Variants in SLC4A4 observed in about 807,000 individuals in gnomAD.
The protein encoded by SLC4A4 is electrogenic sodium bicarbonate cotransporter 1.
SLC4A4 carries 27 observed loss-of-function variants against 111.5 expected under a neutral mutation model. That is an observed-to-expected ratio of 0.24 (90% CI 0.18 to 0.33). SLC4A4 has a LOEUF of 0.33. Ranked by LOEUF, SLC4A4 falls within the 10% of genes least tolerant of loss-of-function variation. The probability of loss-of-function intolerance (pLI) is 1.00; values close to 1 mark genes in which losing one functional copy is unlikely to be tolerated. For missense variants in SLC4A4, 909 were observed against 1,315.5 expected (o/e 0.69, Z 4.78); for synonymous variants, 443 against 463.4 (o/e 0.96, Z 0.57).
chr4:71,214,609 G>A (rs906200451), intron 1 of SLC4A4, among the ~76,000 whole-genome samples: 1 of 152,060 alleles, frequency 6.6e-6, no homozygotes, highest in African/African-American at 2.4e-5. Flanking sequence ...ATTTTTTGCT[G>A]TGTACTTAAA....
At chr4:71,069,550 GATTTTCTGTT>G (rs1195083832) in intron 1 of SLC4A4, among the ~76,000 whole-genome samples, 1 of 152,076 alleles carries the variant, frequency 6.6e-6, no homozygotes, top group Non-Finnish European at 1.5e-5. Context: ...CTGTTTATAG[GATTTTCTGTT>G]ATTGGCAGCT....
rs574563111 is a variant in SLC4A4 at position 71,382,184 on chromosome 4, C to CA, written c.731-15381dup. Among the ~76,000 whole-genome samples, 1,010 of 141,712 alleles carry CA rather than the reference C, an allele frequency of 7.1e-3. 3 individuals are homozygous for CA. Among genetic ancestry groups the CA allele is most frequent in the African/African-American group, 0.013 (499 of 38,714 alleles). The allele number at this position is 141,712 out of a possible 152,430, so 93.0% of individuals were successfully genotyped here. Reference sequence around the variant, plus strand: ...TAATTTTTATAGTTCATTGATTTTCCAAAAAAAAAAAATCAATGATGTGAT... The same window carrying CA: ...TAATTTTTATAGTTCATTGATTTTCCAAAAAAAAAAAAATCAATGATGTGAT... On this transcript the variant is annotated intron_variant, in intron 6 of 25. Coordinates refer to ENST00000264485, the MANE Select transcript of SLC4A4 (RefSeq NM_001098484.3).
At chr4:71,186,057 A>G (rs906007767), upstream of SLC4A4, among the ~76,000 whole-genome samples, 5 of 152,246 alleles carry the variant, frequency 3.3e-5, no homozygotes, top group African/African-American at 1.2e-4. Context: ...CTGTGCTGAC[A>G]GTCTGTTCAT....
intron 18 of SLC4A4, among the ~76,000 whole-genome samples, chr4:71,541,333 TG>T (rs1283878309): frequency 6.6e-6 from 1 of 151,956 alleles, no homozygotes; most frequent in African/African-American, 2.4e-5. Context: ...ACGTTTGTGG[TG>T]AGAGCAGCAT....
At chr4:71,513,388 T>C (rs1190276690) in intron 16 of SLC4A4, among the ~76,000 whole-genome samples, 1 of 152,186 alleles carries the variant, frequency 6.6e-6, no homozygotes. Context: ...TATTGTATTG[T>C]ATCTCTTGTA....
rs1246494122 is a variant in SLC4A4, at chr4:71,142,062, ATG to A, written c.-2+49280_-2+49281del. Reference sequence around the variant, plus strand: ...AGACCTGATCTCAAACTTTTTGTGTATGTGTGTGTGTATATAATAGAGACAGG... The same window carrying A: ...AGACCTGATCTCAAACTTTTTGTGTATGTGTGTGTATATAATAGAGACAGG... On this transcript the variant is annotated intron_variant, in intron 2 of 26. Coordinates refer to the SLC4A4 transcript ENST00000649996. Among the ~76,000 whole-genome samples, 15 of 152,282 alleles carry A rather than the reference ATG, an allele frequency of 9.9e-5. No individual in the cohort carries two copies. The East Asian group carries it at 2.9e-3, about 29-fold the overall frequency.
chr4:71,090,412 C>T (rs1364692077), intron 1 of SLC4A4, among the ~76,000 whole-genome samples: 2 of 152,162 alleles, frequency 1.3e-5, no homozygotes, highest in Non-Finnish European at 2.9e-5. Flanking sequence ...CCTGCACCCA[C>T]TTTCTGACAC....
chr4:71,172,870 C>G (rs971319775), intron 2 of SLC4A4, among the ~76,000 whole-genome samples: 8 of 152,154 alleles, frequency 5.3e-5, no homozygotes, highest in African/African-American at 1.9e-4. Flanking sequence ...TATCAGTAGT[C>G]CTCCCCTTAA....
intron 20 of SLC4A4, among the ~76,000 whole-genome samples, chr4:71,551,971 G>A (rs1381276663): frequency 6.6e-6 from 1 of 151,810 alleles, no homozygotes; most frequent in African/African-American, 2.4e-5. Flanking sequence ...ATAAGACCAG[G>A]GCTTTGAATC....
At chr4:71,298,961 A>T (rs1578782749) in intron 3 of SLC4A4, among the ~76,000 whole-genome samples, 3 of 152,234 alleles carry the variant, frequency 2.0e-5, no homozygotes, top group Admixed American at 1.3e-4. Context: ...GGGAAATCTT[A>T]GCAAATTTTA....
intron 3 of SLC4A4, among the ~76,000 whole-genome samples, chr4:71,333,451 T>C (rs1173109491): frequency 6.6e-6 from 1 of 152,186 alleles, no homozygotes; most frequent in Non-Finnish European, 1.5e-5. Context: ...ACCCCTGTGG[T>C]CATTACTACT....
At position 71,115,828 on chromosome 4, in the gene SLC4A4, G is replaced by C. The variant is rs545570548; in HGVS notation, c.-2+23036G>C. ...AAATATTTGAAATAATGAATAAAAT[G>C]TTATTTTCTAATCATAGATAACTTT... On this transcript the variant is annotated intron_variant, in intron 2 of 26. Coordinates refer to the SLC4A4 transcript ENST00000649996. 1.1e-4 allele frequency among the ~76,000 whole-genome samples: 16 copies of C among 152,164 alleles called. No individual in the cohort carries two copies. The South Asian group carries it at 2.7e-3, about 26-fold the overall frequency.
At chr4:71,427,166 T>A (rs1328552597) in intron 7 of SLC4A4, among the ~76,000 whole-genome samples, 1 of 152,124 alleles carries the variant, frequency 6.6e-6, no homozygotes, top group African/African-American at 2.4e-5. Context: ...AATTCATTAA[T>A]CTCTAGTTTT....
chr4:71,436,175 T>C (rs1035663624), intron 7 of SLC4A4, among the ~76,000 whole-genome samples: 4 of 152,198 alleles, frequency 2.6e-5, no homozygotes, highest in African/African-American at 9.6e-5. Context: ...CTATAAATGA[T>C]AGACTGGATA....
intron 3 of SLC4A4, among the ~76,000 whole-genome samples, chr4:71,284,446 C>T (rs1432535802): frequency 1.3e-5 from 2 of 152,150 alleles, no homozygotes; most frequent in Non-Finnish European, 1.5e-5. Flanking sequence ...TCAGAGTTAG[C>T]CTTCCTGAGA....
intron 3 of SLC4A4, among the ~76,000 whole-genome samples, chr4:71,294,673 CAT>C (rs1724634209): frequency 6.6e-6 from 1 of 152,152 alleles, no homozygotes; most frequent in African/African-American, 2.4e-5. Context: ...ACAGAAGACA[CAT>C]ATGTCACTGG....
At chr4:71,138,189 C>T (rs918724907) in intron 2 of SLC4A4, among the ~76,000 whole-genome samples, 13 of 152,194 alleles carry the variant, frequency 8.5e-5, no homozygotes, top group Non-Finnish European at 1.5e-5. Context: ...AAAACACAGT[C>T]AGAGGGGTCA....
intron 2 of SLC4A4, among the ~76,000 whole-genome samples, chr4:71,168,610 C>T (rs568454698): frequency 8.4e-4 from 128 of 152,186 alleles, no homozygotes; most frequent in Admixed American, 1.4e-3. Context: ...CCACCACCCC[C>T]ACTACCCTTT....
chr4:71,535,860 C>A (rs200675136), intron 18 of SLC4A4, among the ~76,000 whole-genome samples: 11 of 11,290 alleles, frequency 9.7e-4, no homozygotes, highest in Admixed American at 1.8e-3. Context: ...AACAAACAAA[C>A]AAAACAAACA....
Sources: gnomAD v4.1 joint callset for allele counts (sites outside exome capture counted in the v4.1 genomes callset) on GRCh38, gnomAD v4.1.1 for gene constraint, MANE v1.5 for transcripts, NCBI Gene and HGNC (gene_info 2026-07-23, HGNC 2026-07-21) for gene names.